KTN1: variants seen among roughly 807,000 people sequenced by gnomAD.
The protein encoded by KTN1 is kinectin 1, also known as kinectin.
A neutral mutation model predicts 222.5 loss-of-function variants in KTN1; 130 were observed. That is an observed-to-expected ratio of 0.58 (90% CI 0.51 to 0.68). The LOEUF is 0.68. Among genes scored for constraint, KTN1 ranks in the 30% least tolerant of loss-of-function variants. The probability of loss-of-function intolerance (pLI) is 0.00; values close to 1 mark genes in which losing one functional copy is unlikely to be tolerated. For missense variants in KTN1, 1,508 were observed against 1,500.4 expected (o/e 1.01, Z -0.08); for synonymous variants, 512 against 496.3 (o/e 1.03, Z -0.42).
rs186390387 is a variant in KTN1 at position 55,599,962 on chromosome 14, A to G, written c.-30-12057A>G. 5.4e-3 allele frequency among the ~76,000 whole-genome samples: 817 copies of G among 152,144 alleles called. 3 individuals are homozygous for G. The highest frequency in any genetic ancestry group is 9.3e-3 in the Non-Finnish European group (633 of 67,978). ...AATATACCAAACTTTTTGTGTGTAT[A>G]TGGGCTATTTTGCCTTTAATTGGGT... On this transcript the variant is annotated intron_variant, in intron 1 of 43. Transcript: ENST00000395314.
At chr14:55,595,897 G>GT (rs2034933108) in intron 1 of KTN1, among the ~76,000 whole-genome samples, 1 of 152,078 alleles carries the variant, frequency 6.6e-6, no homozygotes, top group African/African-American at 2.4e-5. Flanking sequence ...GCTCACGCCT[G>GT]TAATCCCAAT....
chr14:55,682,663 G>A (rs903647898), intron 43 of KTN1: 1 of 152,094 alleles, frequency 6.6e-6, no homozygotes, highest in Non-Finnish European at 1.5e-5. Flanking sequence ...TTATTACCAT[G>A]TTACAACAGA....
chr14:55,643,446 T>G (rs2041994943), intron 18 of KTN1, among the ~76,000 whole-genome samples: 1 of 152,176 alleles, frequency 6.6e-6, no homozygotes. Context: ...AATAGATTTT[T>G]GTGTGTGTGT....
At chr14:55,666,913 A>G (rs746131734) in intron 33 of KTN1, among the ~76,000 whole-genome samples, 36 of 152,004 alleles carry the variant, frequency 2.4e-4, no homozygotes, top group Non-Finnish European at 4.0e-4. Context: ...AGTTTTAGCT[A>G]TAAGAAATGC....
chr14:55,661,395 A>G, intron 31 of KTN1, 127 bp from the exon 32 acceptor site: 1 of 571,906 alleles, frequency 1.7e-6, no homozygotes, highest in South Asian at 2.7e-5. Context: ...TAGACTCTTT[A>G]ATGTACTTTT....
intron 5 of KTN1, 52 bp downstream of exon 5, chr14:55,619,364 C>T (rs1404651754): frequency 6.3e-7 from 1 of 1,580,630 alleles, no homozygotes; most frequent in Admixed American, 1.7e-5. Context: ...ATTAGAAGTT[C>T]ACCAAACAAG....
chr14:55,683,959 G>C, intron 43 of KTN1, 140 bp from the exon 44 acceptor site: 1 of 545,900 alleles, frequency 1.8e-6, no homozygotes, highest in Middle Eastern at 2.8e-4. Flanking sequence ...ATTACCATTA[G>C]TGTGAATTGC....
rs759194628 is a variant in KTN1 at position 55,634,555 on chromosome 14, A to G, written c.1358A>G (p.Gln453Arg). The G allele has an allele frequency of 1.1e-5, 18 of 1,613,434 alleles. 1 individual carries two copies. Among genetic ancestry groups the G allele is most frequent in the Non-Finnish European group, 1.5e-5 (18 of 1,179,764 alleles). ...KQSAELNKLR[Q>R]DYARLVNELT... ...TCTGCAGAACTAAATAAACTACGCC[A>G]GGATTATGCTAGGTTGGTGAATGAG... The change falls in exon 9 of 44, where the codon CAG becomes CGG. Residue 453 changes from glutamine to arginine, a missense_variant. Gln to Arg is a conservative substitution (Grantham distance 43). Transcript: ENST00000395314.
In KTN1 at chr14:55,658,616, T is replaced by TCTTCTTTTCCCCCTCATG; in HGVS notation, c.2961+2_2961+3insCTTCTTTTCCCCCTCATG. Reference sequence around the variant, plus strand: ...CTTAAACAACAAAACTACCAACAGGTAGGTATTATTAGATGTCTTGCCTTT... The same window carrying TCTTCTTTTCCCCCTCATG: ...CTTAAACAACAAAACTACCAACAGGTCTTCTTTTCCCCCTCATGAGGTATTATTAGATGTCTTGCCTTT... On this transcript the variant is annotated splice_region_variant and intron_variant, in intron 30 of 43. Coordinates refer to ENST00000395314, the MANE Select transcript of KTN1 (RefSeq NM_001079521.2). 6.3e-7 allele frequency: 1 copy of TCTTCTTTTCCCCCTCATG among 1,589,292 alleles called. No individual in the cohort carries two copies. The highest frequency in any genetic ancestry group is 8.6e-7 in the Non-Finnish European group (1 of 1,161,760).
chr14:55,619,010 CT>C (rs1421079820), intron 4 of KTN1, among the ~76,000 whole-genome samples, 171 bp from the exon 5 acceptor site: 1 of 152,020 alleles, frequency 6.6e-6, no homozygotes, highest in Non-Finnish European at 1.5e-5. Context: ...ATGATAAACC[CT>C]TTTTTTCCTC....
chr14:55,669,058 A>G (rs550578715), intron 34 of KTN1, among the ~76,000 whole-genome samples: 35 of 152,112 alleles, frequency 2.3e-4, no homozygotes, highest in African/African-American at 7.2e-4. Flanking sequence ...TGCTATTAAT[A>G]TATTCAATTT....
rs549016663 is a variant in KTN1, at chr14:55,608,513, GT to G, written c.-30-3502del. Among the ~76,000 whole-genome samples, 8 of 151,892 alleles carry G rather than the reference GT, an allele frequency of 5.3e-5. No homozygotes were observed. In the East Asian group the frequency reaches 9.7e-4, roughly 18 times the overall value. ...GCAGCATTGAATTGAATTTAACAAAGTTTTAGTGTTCATGGTTTTAATACCT... is the reference window on the plus strand; with the variant it reads ...GCAGCATTGAATTGAATTTAACAAAGTTTAGTGTTCATGGTTTTAATACCT... On this transcript the variant is annotated intron_variant, in intron 1 of 43. Transcript: ENST00000395314.
intron 1 of KTN1, among the ~76,000 whole-genome samples, chr14:55,611,146 G>C (rs2037496807): frequency 6.6e-6 from 1 of 152,080 alleles, no homozygotes. Flanking sequence ...GGAGTGCAGT[G>C]GCAGAGTCAC....
At chr14:55,674,171 A>C (rs2045698791) in intron 40 of KTN1, 1 of 152,124 alleles carries the variant, frequency 6.6e-6, no homozygotes, top group Non-Finnish European at 1.5e-5. Context: ...TATGGCAAAC[A>C]TTTATGGGAA....
chr14:55,595,044 A>C (rs145913401), intron 1 of KTN1, among the ~76,000 whole-genome samples: 1 of 152,260 alleles, frequency 6.6e-6, no homozygotes, highest in Non-Finnish European at 1.5e-5. Context: ...CAACACGGGA[A>C]ATAGAACACA....
chr14:55,646,316 A>T (rs2042269878), intron 18 of KTN1, among the ~76,000 whole-genome samples: 1 of 152,108 alleles, frequency 6.6e-6, no homozygotes, highest in South Asian at 2.1e-4. Flanking sequence ...TGTGAACAGG[A>T]TTTATGCACT....
chr14:55,582,653 A>G (rs1414793221), intron 1 of KTN1, among the ~76,000 whole-genome samples: 3 of 152,180 alleles, frequency 2.0e-5, no homozygotes, highest in Non-Finnish European at 4.4e-5. Flanking sequence ...GTATGCCTAT[A>G]ATTTTTATAG....
At chr14:55,595,978 C>A (rs1268251618) in intron 1 of KTN1, among the ~76,000 whole-genome samples, 7 of 151,774 alleles carry the variant, frequency 4.6e-5, no homozygotes, top group African/African-American at 1.7e-4. Context: ...CATGGTGAAA[C>A]CCCGTCTCTA....
intron 12 of KTN1, 147 bp from the exon 13 acceptor site, chr14:55,639,038 T>C: frequency 1.9e-6 from 1 of 523,500 alleles, no homozygotes; most frequent in East Asian, 2.9e-5. Flanking sequence ...ATAGTTACTC[T>C]TTATTGAACA....
Sources: allele counts gnomAD v4.1 joint callset (sites outside exome capture counted in the v4.1 genomes callset), GRCh38; gene constraint gnomAD v4.1.1; transcripts MANE v1.5; gene names NCBI Gene and HGNC (gene_info 2026-07-23, HGNC 2026-07-21).